The following RALGPS1 variants were observed in gnomAD, a reference collection of about 807,000 sequenced individuals.
RALGPS1 encodes the protein ras-specific guanine nucleotide-releasing factor RalGPS1.
In RALGPS1, 19 loss-of-function variants were observed where a neutral mutation model predicts 78.8. That is an observed-to-expected ratio of 0.24 (90% CI 0.17 to 0.35). The LOEUF is 0.35. Ranked by LOEUF, RALGPS1 falls within the 10% of genes least tolerant of loss-of-function variation. The pLI is 1.00. For missense variants in RALGPS1, 454 were observed against 688.3 expected (o/e 0.66, Z 3.81); for synonymous variants, 228 against 256.3 (o/e 0.89, Z 1.06).
intron 1 of RALGPS1, among the ~76,000 whole-genome samples, chr9:126,938,341 C>T (rs970107734): frequency 2.0e-5 from 3 of 152,186 alleles, no homozygotes; most frequent in African/African-American, 4.8e-5. Flanking sequence ...CAGTTGAATA[C>T]GCTACACCTT....
intron 4 of RALGPS1, among the ~76,000 whole-genome samples, chr9:126,991,250 G>T (rs1027439565): frequency 2.0e-5 from 3 of 152,166 alleles, no homozygotes; most frequent in Non-Finnish European, 4.4e-5. Flanking sequence ...AAGAGTAGGG[G>T]CTGGAGTTCC....
intron 8 of RALGPS1, among the ~76,000 whole-genome samples, chr9:127,079,408 T>G (rs1365847523): frequency 6.6e-6 from 1 of 152,240 alleles, no homozygotes; most frequent in Non-Finnish European, 1.5e-5. Flanking sequence ...TGGCCCCCGA[T>G]GATTTCTGTT....
intron 8 of RALGPS1, among the ~76,000 whole-genome samples, chr9:127,074,160 G>A (rs1017022133): frequency 2.0e-5 from 3 of 152,188 alleles, no homozygotes; most frequent in Admixed American, 2.0e-4. Flanking sequence ...GGGATTACAG[G>A]CATGAGCCAT....
At chr9:127,128,771 T>C (rs2056807854) in intron 8 of RALGPS1, among the ~76,000 whole-genome samples, 1 of 152,148 alleles carries the variant, frequency 6.6e-6, no homozygotes, top group Admixed American at 6.5e-5. Flanking sequence ...GAGGAGAAGT[T>C]AGGAGACTTG....
intron 8 of RALGPS1, among the ~76,000 whole-genome samples, chr9:127,118,749 C>T (rs535134023): frequency 6.6e-6 from 1 of 152,348 alleles, no homozygotes; most frequent in Admixed American, 6.5e-5. Context: ...CTCTATGAAG[C>T]AGAGCCCCTC....
At chr9:127,123,044 A>C (rs552056652) in intron 8 of RALGPS1, among the ~76,000 whole-genome samples, 1 of 152,356 alleles carries the variant, frequency 6.6e-6, no homozygotes, top group Non-Finnish European at 1.5e-5. Flanking sequence ...GCGTGCGAGC[A>C]GCAGGCAGCG....
At chr9:127,034,326 C>T (rs754160869) in intron 4 of RALGPS1, 105 bp from the exon 5 acceptor site, 19 of 997,174 alleles carry the variant, frequency 1.9e-5, no homozygotes, top group Non-Finnish European at 2.8e-5. Flanking sequence ...GCCAAGGTGT[C>T]AGCCCTTTCC....
intron 8 of RALGPS1, chr9:127,107,891 T>C (rs2054373931): frequency 1.3e-6 from 2 of 1,516,590 alleles, no homozygotes; most frequent in East Asian, 4.6e-5. Flanking sequence ...GACCCACATG[T>C]AACACGATCC....
At chr9:127,016,650 C>G (rs1349751673) in intron 4 of RALGPS1, 1 of 152,222 alleles carries the variant, frequency 6.6e-6, no homozygotes, top group Non-Finnish European at 1.5e-5. Context: ...AGCCCTACCT[C>G]CTTTTGCAGG....
At chr9:127,095,256 T>G (rs1245360661) in intron 8 of RALGPS1, among the ~76,000 whole-genome samples, 1 of 151,896 alleles carries the variant, frequency 6.6e-6, no homozygotes, top group Non-Finnish European at 1.5e-5. Context: ...AAATTAGCCG[T>G]GTGTGGTGGC....
intron 4 of RALGPS1, among the ~76,000 whole-genome samples, chr9:126,994,799 A>G (rs1424776025): frequency 6.6e-6 from 1 of 152,124 alleles, no homozygotes; most frequent in Non-Finnish European, 1.5e-5. Flanking sequence ...GGTTACCCAC[A>G]AAGGGAAGCC....
chr9:127,108,593 C>T lies in RALGPS1; in HGVS notation c.610+39237C>T. 4 of 1,613,660 alleles carry T rather than the reference C, an allele frequency of 2.5e-6. No homozygotes were observed. In the South Asian group the frequency reaches 4.4e-5, roughly 18 times the overall value. On this transcript the variant is annotated intron_variant, in intron 8 of 18. Coordinates refer to ENST00000259351, the MANE Select transcript of RALGPS1 (RefSeq NM_014636.3). ...GTGCACTTGTCCTGGGACTCGCCCG[C>T]CCGCTTGTACCTGTTTAGGTAAATG...
At chr9:127,157,014 C>T (rs1187588209) in intron 8 of RALGPS1, among the ~76,000 whole-genome samples, 1 of 152,016 alleles carries the variant, frequency 6.6e-6, no homozygotes, top group Non-Finnish European at 1.5e-5. Flanking sequence ...ATACCTGCAT[C>T]GTATACTAAA....
intron 11 of RALGPS1, among the ~76,000 whole-genome samples, chr9:127,177,192 GTGGGTGGGTGGATAGA>G (rs759243950): frequency 6.6e-5 from 10 of 152,080 alleles, no homozygotes; most frequent in Non-Finnish European, 8.8e-5. Flanking sequence ...GGGTGAGTGG[GTGGGTGGGTGGATAGA>G]TGGGTGGATG....
chr9:127,208,678 C>A (rs2062067952), intron 14 of RALGPS1, among the ~76,000 whole-genome samples: 1 of 152,134 alleles, frequency 6.6e-6, no homozygotes. Context: ...ACCCAGAGAC[C>A]CCTGGTGTCC....
At chr9:126,935,778 A>T (rs780013204) in intron 1 of RALGPS1, among the ~76,000 whole-genome samples, 3 of 152,218 alleles carry the variant, frequency 2.0e-5, no homozygotes, top group Non-Finnish European at 4.4e-5. Flanking sequence ...GAGATGAGTA[A>T]TTTCTCTGAA....
chr9:126,975,941 C>T lies in RALGPS1; in HGVS notation c.166-1754C>T, dbSNP rs907705308. 5.3e-5 allele frequency among the ~76,000 whole-genome samples: 8 copies of T among 152,146 alleles called. 1 individual carries two copies. The highest frequency in any genetic ancestry group is 8.8e-5 in the Non-Finnish European group (6 of 68,024). On this transcript the variant is annotated intron_variant, in intron 3 of 18. Coordinates refer to ENST00000259351, the MANE Select transcript of RALGPS1 (RefSeq NM_014636.3). ...CCGTTTCCATGAAGAACACTAGCTC[C>T]GCTCCTGGGAGAGTACAAAGAGGCT...
At chr9:127,189,105 A>G (rs1323961013) in intron 11 of RALGPS1, among the ~76,000 whole-genome samples, 2 of 151,684 alleles carry the variant, frequency 1.3e-5, no homozygotes, top group Non-Finnish European at 2.9e-5. Flanking sequence ...CAGCTGAAAC[A>G]GAACTCTCTT....
At chr9:127,185,875 G>T (rs907765423) in intron 11 of RALGPS1, among the ~76,000 whole-genome samples, 10 of 152,152 alleles carry the variant, frequency 6.6e-5, no homozygotes, top group African/African-American at 2.4e-4. Flanking sequence ...ATGCTGTATG[G>T]CTTACTCCTC....
Sources: allele counts gnomAD v4.1 joint callset (sites outside exome capture counted in the v4.1 genomes callset), GRCh38; gene constraint gnomAD v4.1.1; transcripts MANE v1.5; gene names NCBI Gene and HGNC (gene_info 2026-07-23, HGNC 2026-07-21).